Variants in APBB2 observed in about 807,000 individuals in gnomAD.
APBB2 encodes Fe65-like 1.
Under a neutral mutation model 82.5 loss-of-function variants are expected in APBB2, and 38 were observed. The ratio of observed to expected loss-of-function variants is 0.46; its 90% CI spans 0.36 to 0.60. The LOEUF (loss-of-function observed/expected upper bound fraction) is 0.60. APBB2 is among the 20% of genes least tolerant of loss of function. APBB2 has a pLI of 0.00. For missense variants in APBB2, 772 were observed against 972.3 expected, an observed-to-expected ratio of 0.79 and a Z score of 2.74; for synonymous variants, 341 against 368.2, an observed-to-expected ratio of 0.93 and a Z score of 0.85.
rs1434607371 is a variant in APBB2, at chr4:40,832,087, A to G, written c.1530-1510T>C. Reference sequence around the variant, plus strand: ...AGCTTTACCCATCTAGGAATGGATCACAGTGATTTATTTGCATCTGATGCT... The same window carrying G: ...AGCTTTACCCATCTAGGAATGGATCGCAGTGATTTATTTGCATCTGATGCT... On this transcript the variant is annotated intron_variant, in intron 12 of 17. Coordinates refer to ENST00000508593, the MANE Select transcript of APBB2 (RefSeq NM_004307.2). The surrounding 1 kb of genome is among the most constrained non-coding windows in gnomAD (Gnocchi z 4.8). Among the ~76,000 whole-genome samples, 1 of 150,738 alleles carries G rather than the reference A, an allele frequency of 6.6e-6. No individual in the cohort carries two copies. Among genetic ancestry groups the G allele is most frequent in the African/African-American group, 2.4e-5 (1 of 40,932 alleles).
chr4:41,086,715 A>C (rs1008699651), intron 3 of APBB2, among the ~76,000 whole-genome samples: 1 of 152,212 alleles, frequency 6.6e-6, no homozygotes, highest in Non-Finnish European at 1.5e-5. Context: ...TAGCATACTC[A>C]ATGGTAAATG....
chr4:40,905,053 T>C (rs1776343151), intron 10 of APBB2, among the ~76,000 whole-genome samples: 1 of 152,134 alleles, frequency 6.6e-6, no homozygotes. Flanking sequence ...GACACATAAC[T>C]GGAAAAGCTC....
At chr4:41,196,212 C>T in intron 1 of APBB2, among the ~76,000 whole-genome samples, 3 of 152,064 alleles carry the variant, frequency 2.0e-5, no homozygotes, top group Admixed American at 6.5e-5. Flanking sequence ...ACCCATCCCC[C>T]CGTCTAGTTC....
At chr4:41,150,028 T>G (rs1396444342) in intron 1 of APBB2, among the ~76,000 whole-genome samples, 2 of 152,150 alleles carry the variant, frequency 1.3e-5, no homozygotes, top group Non-Finnish European at 2.9e-5. Flanking sequence ...AGTATGAAAA[T>G]GGACTAATAC....
intron 12 of APBB2, among the ~76,000 whole-genome samples, chr4:40,875,200 T>A (rs753850724): frequency 6.6e-6 from 1 of 152,216 alleles, no homozygotes; most frequent in Non-Finnish European, 1.5e-5. Context: ...CTTGGGTTGC[T>A]GATTGTCAAG....
At chr4:40,871,833 C>G (rs946419868) in intron 12 of APBB2, among the ~76,000 whole-genome samples, 3 of 152,214 alleles carry the variant, frequency 2.0e-5, no homozygotes, top group Non-Finnish European at 4.4e-5. Context: ...TGTTGAAGCA[C>G]ACACAAGGAA....
chr4:40,902,854 A>C (rs1218317719), intron 10 of APBB2, among the ~76,000 whole-genome samples: 1 of 152,218 alleles, frequency 6.6e-6, no homozygotes, highest in African/African-American at 2.4e-5. Context: ...TTAATACAAG[A>C]AACTGGCCAG....
chr4:40,999,795 C>A (rs62412086), intron 6 of APBB2, among the ~76,000 whole-genome samples: 6,369 of 152,060 alleles, frequency 0.042, 273 homozygotes, highest in African/African-American at 0.11. Flanking sequence ...CTTGGAGGTA[C>A]GCTATTACCT....
At position 40,812,894 on chromosome 4, in the gene APBB2, G is replaced by C. The variant is rs1744694582; in HGVS notation, c.*3198C>G. ...CTATGAGTGATCTTGTATCCAGGTG[G>C]AAACAAAGGGCATGTGTACATGTAT... is the stretch of plus-strand genomic sequence containing the variant. On this transcript the variant is annotated 3_prime_UTR_variant, in exon 18 of 18. Coordinates refer to ENST00000508593, the MANE Select transcript of APBB2 (RefSeq NM_004307.2). 1 of 152,202 alleles carries C rather than the reference G, an allele frequency of 6.6e-6. No homozygotes were observed. The highest frequency in any genetic ancestry group is 1.5e-5 in the Non-Finnish European group (1 of 68,038). 9.4% of individuals were successfully genotyped at this position (152,202 alleles called of 1,614,324 possible).
chr4:40,931,163 G>A (rs1189921296), intron 10 of APBB2, among the ~76,000 whole-genome samples: 2 of 152,170 alleles, frequency 1.3e-5, no homozygotes, highest in African/African-American at 2.4e-5. Context: ...ATTCTACAAA[G>A]GCACTGGAAC....
At chr4:40,828,383 TAA>T (rs1341702810) in intron 13 of APBB2, among the ~76,000 whole-genome samples, 1 of 152,186 alleles carries the variant, frequency 6.6e-6, no homozygotes, top group East Asian at 1.9e-4. Flanking sequence ...ATTCCCAGAC[TAA>T]GTTTTCCATT....
chr4:41,156,614 GTA>G (rs1233564474), intron 1 of APBB2, among the ~76,000 whole-genome samples: 1 of 152,202 alleles, frequency 6.6e-6, no homozygotes, highest in South Asian at 2.1e-4. Context: ...GTACATCTGA[GTA>G]CACAATTGTC....
At chr4:41,077,225 T>C (rs889264767) in intron 3 of APBB2, among the ~76,000 whole-genome samples, 4 of 149,790 alleles carry the variant, frequency 2.7e-5, no homozygotes, top group Non-Finnish European at 4.4e-5. Flanking sequence ...TGCCCAGACT[T>C]GTCTGGAACT....
intron 6 of APBB2, among the ~76,000 whole-genome samples, chr4:40,957,106 C>T (rs1282720971): frequency 6.6e-6 from 1 of 152,200 alleles, no homozygotes; most frequent in East Asian, 1.9e-4. Flanking sequence ...GCTCCTACCT[C>T]ACAGGGTGGA....
chr4:41,094,690 G>A (rs1255663139), intron 3 of APBB2, among the ~76,000 whole-genome samples: 1 of 152,028 alleles, frequency 6.6e-6, no homozygotes, highest in African/African-American at 2.4e-5. Flanking sequence ...TCAGCATCCC[G>A]AGTAGCTGGG....
rs758173521 is a variant in APBB2, at chr4:40,822,062, A to G, written c.1933-12T>C. On this transcript the variant is annotated splice_polypyrimidine_tract_variant and intron_variant, in intron 16 of 17. Coordinates refer to ENST00000508593, the MANE Select transcript of APBB2 (RefSeq NM_004307.2). ...ACTTCCTCTTCATTCTGCAAGAGAC[A>G]TTATGCGGCATCCAATCAGGAGATC... is the stretch of plus-strand genomic sequence containing the variant. The G allele has an allele frequency of 3.1e-6, 5 of 1,613,220 alleles. No individual in the cohort carries two copies. The Admixed American group carries it at 5.0e-5, about 16-fold the overall frequency.
intron 17 of APBB2, among the ~76,000 whole-genome samples, chr4:40,818,406 A>C (rs945330230): frequency 6.6e-6 from 1 of 152,254 alleles, no homozygotes; most frequent in African/African-American, 2.4e-5. Flanking sequence ...CTGTAGCCAA[A>C]GAGATAAAAC....
chr4:41,125,166 T>G (rs187304153), intron 2 of APBB2, among the ~76,000 whole-genome samples: 1 of 152,348 alleles, frequency 6.6e-6, no homozygotes, highest in Admixed American at 6.5e-5. Flanking sequence ...AAGGCCAGGT[T>G]GCAGGATGGC....
chr4:41,008,535 T>C (rs963739572), intron 6 of APBB2, among the ~76,000 whole-genome samples: 6 of 152,224 alleles, frequency 3.9e-5, no homozygotes, highest in African/African-American at 1.4e-4. Flanking sequence ...CCCTTGCTCT[T>C]AAGGTCCAGA....
Sources: allele counts gnomAD v4.1 joint callset (sites outside exome capture counted in the v4.1 genomes callset), GRCh38; gene constraint gnomAD v4.1.1; non-coding constraint Gnocchi (gnomAD v3.1); transcripts MANE v1.5; gene names NCBI Gene and HGNC (gene_info 2026-07-23, HGNC 2026-07-21).